The following PCDHA3 variants were observed in gnomAD, a reference collection of about 807,000 sequenced individuals.
PCDHA3 encodes protocadherin alpha-3.
PCDHA3 carries 41 observed loss-of-function variants against 62.2 expected under a neutral mutation model. That is an observed-to-expected ratio of 0.66 (90% CI 0.51 to 0.86). PCDHA3 has a LOEUF of 0.86. Ranked by LOEUF, PCDHA3 falls within the 40% of genes least tolerant of loss-of-function variation. The pLI is 0.00. For missense variants in PCDHA3, 1,304 were observed against 1,241.2 expected (o/e 1.05, Z -0.76); for synonymous variants, 640 against 555.4 (o/e 1.15, Z -2.14).
chr5:140,920,180 T>C (rs1386784105), intron 1 of PCDHA3, among the ~76,000 whole-genome samples: 1 of 152,198 alleles, frequency 6.6e-6, no homozygotes, highest in Admixed American at 6.5e-5. Context: ...ACCCAGTGTG[T>C]AGTAATTTGT....
intron 1 of PCDHA3, among the ~76,000 whole-genome samples, chr5:140,945,772 T>A (rs538344111): frequency 1.2e-4 from 18 of 152,228 alleles, no homozygotes; most frequent in African/African-American, 4.1e-4. Context: ...GACAATTTGA[T>A]ATCCAGATGC....
chr5:141,000,015 G>A (rs960608216), intron 3 of PCDHA3, among the ~76,000 whole-genome samples: 8 of 151,984 alleles, frequency 5.3e-5, no homozygotes, highest in Non-Finnish European at 5.9e-5. Flanking sequence ...CCTCCCCATT[G>A]CTAAGCCTGA....
intron 1 of PCDHA3, among the ~76,000 whole-genome samples, chr5:140,903,758 T>TCCACCAAAGCCCAGTAATAGGCCAAGA (rs2070567163): frequency 6.6e-6 from 1 of 152,218 alleles, no homozygotes; most frequent in Non-Finnish European, 1.5e-5. Flanking sequence ...CCTTGATTTT[T>TCCACCAAAGCCCAGTAATAGGCCAAGA]GCTGAACTTT....
chr5:140,973,390 AATC>A (rs1554235235), intron 1 of PCDHA3, among the ~76,000 whole-genome samples: 1 of 152,224 alleles, frequency 6.6e-6, no homozygotes, highest in East Asian at 1.9e-4. Context: ...TAGACAAAGA[AATC>A]ATATCTATGA....
intron 3 of PCDHA3, among the ~76,000 whole-genome samples, chr5:140,991,948 A>G (rs2097482017): frequency 6.6e-6 from 1 of 152,046 alleles, no homozygotes; most frequent in Non-Finnish European, 1.5e-5. Flanking sequence ...TAAAATTAGA[A>G]TGCAGTCATT....
intron 1 of PCDHA3, chr5:140,876,810 C>T (rs782009058): frequency 1.9e-6 from 3 of 1,614,154 alleles, no homozygotes; most frequent in East Asian, 2.2e-5. Flanking sequence ...TGGAGGTGGC[C>T]GACGTGAACG....
intron 2 of PCDHA3, among the ~76,000 whole-genome samples, chr5:140,980,255 C>T (rs782489996): frequency 2.0e-4 from 31 of 152,210 alleles, no homozygotes; most frequent in Middle Eastern, 3.2e-3. Flanking sequence ...TGGGTAAAAG[C>T]ATGGTTTACA....
At position 140,852,858 on chromosome 5, in the gene PCDHA3, A is replaced by G; in HGVS notation, c.2394+49267A>G. ...TAGAGCTAGTACTTACTAAGCATTT[A>G]CTATGTCATCAATAATCATAAAACG... On this transcript the variant is annotated intron_variant, in intron 1 of 3. Transcript: ENST00000522353. 4 of 962,678 alleles carry G rather than the reference A, an allele frequency of 4.2e-6. 1 individual carries two copies. The highest frequency in any genetic ancestry group is 5.0e-6 in the Non-Finnish European group (4 of 796,824). The allele number at this position is 962,678 out of a possible 1,614,324, so 59.6% of individuals were successfully genotyped here. A position where few individuals can be genotyped will look rare whatever the true frequency, so the allele number is the denominator to read the frequency against.
chr5:140,946,658 A>C (rs2094004902), intron 1 of PCDHA3, among the ~76,000 whole-genome samples: 1 of 147,652 alleles, frequency 6.8e-6, no homozygotes, highest in South Asian at 2.1e-4. Flanking sequence ...CAGCCATTAG[A>C]AAGAATGAAA....
chr5:140,925,082 A>AAAGG (rs138596875), intron 1 of PCDHA3, among the ~76,000 whole-genome samples: 24,812 of 147,244 alleles, frequency 0.17, 2,350 homozygotes, highest in African/African-American at 0.25. Context: ...GCTCATCTGG[A>AAAGG]AAGGAAGGAA....
intron 1 of PCDHA3, among the ~76,000 whole-genome samples, chr5:140,900,977 C>T (rs1223245503): frequency 2.0e-5 from 3 of 152,112 alleles, no homozygotes; most frequent in South Asian, 2.1e-4. Flanking sequence ...AGTATCTTTT[C>T]CTATACCTGT....
At position 140,842,264 on chromosome 5, in the gene PCDHA3, T is replaced by G; in HGVS notation, c.2394+38673T>G. The G allele has an allele frequency of 1.9e-6, 3 of 1,610,762 alleles. No homozygotes were observed. The South Asian group carries it at 3.3e-5, about 18-fold the overall frequency. Reference sequence around the variant, plus strand: ...TAATTTGGATTTTGAACAAGAAAACTTATACAAAATCCTCATTGACGCCAC... The same window carrying G: ...TAATTTGGATTTTGAACAAGAAAACGTATACAAAATCCTCATTGACGCCAC... On this transcript the variant is annotated intron_variant, in intron 1 of 3. Transcript: ENST00000522353.
chr5:140,954,543 A>G (rs1344952646), intron 1 of PCDHA3, among the ~76,000 whole-genome samples: 1 of 151,924 alleles, frequency 6.6e-6, no homozygotes, highest in Non-Finnish European at 1.5e-5. Flanking sequence ...TTTTTTTCAT[A>G]TGTTTGTTGG....
chr5:140,873,929 G>C (rs1457405512), intron 1 of PCDHA3, among the ~76,000 whole-genome samples: 3 of 152,138 alleles, frequency 2.0e-5, no homozygotes, highest in African/African-American at 7.2e-5. Flanking sequence ...CCAAAGTGCT[G>C]GGATTACAGG....
intron 1 of PCDHA3, chr5:140,824,024 C>A (rs2150131645): frequency 6.2e-7 from 1 of 1,614,004 alleles, no homozygotes; most frequent in East Asian, 2.2e-5. Context: ...TGGTCGTACT[C>A]GCAGCAGAGG....
At chr5:140,951,312 A>G (rs1316911878) in intron 1 of PCDHA3, among the ~76,000 whole-genome samples, 1 of 152,146 alleles carries the variant, frequency 6.6e-6, no homozygotes, top group Non-Finnish European at 1.5e-5. Flanking sequence ...TTAATGTGTT[A>G]TTCTTGAGAT....
chr5:140,870,339 G>A (rs1554164098), intron 1 of PCDHA3: 1 of 1,614,064 alleles, frequency 6.2e-7, no homozygotes, highest in East Asian at 2.2e-5. Context: ...ACAGCGCCCT[G>A]GACCGCGAGA....
rs1325390456 is a variant in PCDHA3, at chr5:140,928,073, A to G, written c.2395-50876A>G. 8.7e-6 allele frequency: 14 copies of G among 1,614,066 alleles called. No homozygotes were observed. The highest frequency in any genetic ancestry group is 8.0e-5 in the African/African-American group (6 of 74,934). On this transcript the variant is annotated intron_variant, in intron 1 of 3. Coordinates refer to ENST00000522353, the MANE Select transcript of PCDHA3 (RefSeq NM_018906.3). ...CAGCTGACGGCTTCCTTTGACAACTACTACAGCCTGCTGATTGATGGGCCC... is the reference window on the plus strand; with the variant it reads ...CAGCTGACGGCTTCCTTTGACAACTGCTACAGCCTGCTGATTGATGGGCCC...
intron 1 of PCDHA3, chr5:140,857,914 C>T: frequency 6.3e-7 from 1 of 1,597,754 alleles, no homozygotes; most frequent in Non-Finnish European, 8.6e-7. Flanking sequence ...TCCCGTTTCG[C>T]GTGGGGCTGT....
Sources: gnomAD v4.1 joint callset for allele counts (sites outside exome capture counted in the v4.1 genomes callset) on GRCh38, gnomAD v4.1.1 for gene constraint, MANE v1.5 for transcripts, NCBI Gene and HGNC (gene_info 2026-07-23, HGNC 2026-07-21) for gene names.